CHERP: variants seen among roughly 807,000 people sequenced by gnomAD.
CHERP encodes calcium homeostasis endoplasmic reticulum protein, also known as ERPROT 213-21.
Under a neutral mutation model 113.8 loss-of-function variants are expected in CHERP, and 8 were observed. The observed-to-expected ratio is 0.07, with a 90% CI of 0.04 to 0.13. The LOEUF is 0.13. Among genes scored for constraint, CHERP ranks in the 10% least tolerant of loss-of-function variants. CHERP has a pLI of 1.00. For missense variants in CHERP, 884 were observed against 1,298.2 expected, an observed-to-expected ratio of 0.68 and a Z score of 4.90; for synonymous variants, 559 against 524.5, an observed-to-expected ratio of 1.07 and a Z score of -0.90.
chr19:16,520,852 C>T lies in CHERP; in HGVS notation c.2175G>A (p.Arg725=). 1.2e-6 allele frequency: 2 copies of T among 1,613,912 alleles called. No homozygotes were observed. Among genetic ancestry groups the T allele is most frequent in the Non-Finnish European group, 1.7e-6 (2 of 1,180,042 alleles). The change falls in exon 13 of 17, where the codon CGG becomes CGA. Residue 725 remains arginine (R), a synonymous_variant. Coordinates refer to ENST00000546361, the MANE Select transcript of CHERP (RefSeq NM_006387.6). The surrounding 1 kb of genome is among the most constrained non-coding windows in gnomAD (Gnocchi z 4.0). ...TGTTCCTCTTCTCCTGGCCTTTCCT[C>T]CGCCGGGCCCGCATTTTTGCTCGGA... The part of the protein sequence containing the change: ...EFFRAKMRAR[R]RKGQEKRNSG...
Position 16,529,766 on chromosome 19 carries a change from C to T in CHERP, c.1011G>A (p.Gln337=), listed in dbSNP as rs767098888. ...SLAQQQQQQQ[Q]QQQQLQMPQM... Reference sequence around the variant, plus strand: ...GCGGCATCTGGAGCTGCTGCTGCTGCTGTTGCTGCTGCTGCTGCTGCTGGG... The same window carrying T: ...GCGGCATCTGGAGCTGCTGCTGCTGTTGTTGCTGCTGCTGCTGCTGCTGGG... Residue 337 remains glutamine (Q), a synonymous_variant, in exon 8 of 17, where the codon CAG becomes CAA. Transcript: ENST00000546361. 6.8e-6 allele frequency: 11 copies of T among 1,611,604 alleles called. No homozygotes were observed. The highest frequency in any genetic ancestry group is 4.5e-5 in the East Asian group (2 of 44,888).
rs3786591 is a variant in CHERP, at chr19:16,527,237, C to G, written c.1305+843G>C. On this transcript the variant is annotated intron_variant, in intron 9 of 16. Coordinates refer to ENST00000546361, the MANE Select transcript of CHERP (RefSeq NM_006387.6). ...CAAAACAGGGACAAGAACTGCCCCC[C>G]CCAGCAGAGGGTACCTGCAAAACAG... is the stretch of plus-strand genomic sequence containing the variant. Among the ~76,000 whole-genome samples the G allele has an allele frequency of 2.0e-3, 299 of 152,358 alleles. 5 individuals are homozygous for G. In the East Asian group the frequency reaches 0.049, roughly 25 times the overall value.
intron 11 of CHERP, among the ~76,000 whole-genome samples, chr19:16,522,344 C>T (rs567577254): frequency 5.7e-4 from 87 of 152,222 alleles, no homozygotes; most frequent in Non-Finnish European, 1.0e-3. Context: ...GTGCAAGCTC[C>T]GCCTCCCGGG....
intron 8 of CHERP, among the ~76,000 whole-genome samples, chr19:16,529,279 A>C (rs1205829599): frequency 6.6e-6 from 1 of 152,132 alleles, no homozygotes; most frequent in African/African-American, 2.4e-5. Flanking sequence ...TGGCCTCCCA[A>C]AGTGCTGGGA....
chr19:16,535,006 G>A lies in CHERP; in HGVS notation c.384+446C>T, dbSNP rs966203961. On this transcript the variant is annotated intron_variant, in intron 3 of 16. Transcript: ENST00000546361. This position sits in a 1 kb window ranked among gnomAD's most constrained non-coding sequence, Gnocchi z 4.3. ...CAGGAGAATCGTTTGAACTCGGGAGGTAGGGGCTGCAGTGAGCTGAGATCA... is the reference window on the plus strand; with the variant it reads ...CAGGAGAATCGTTTGAACTCGGGAGATAGGGGCTGCAGTGAGCTGAGATCA... Among the ~76,000 whole-genome samples the A allele has an allele frequency of 9.9e-5, 15 of 152,050 alleles. No individual in the cohort carries two copies. Among genetic ancestry groups the A allele is most frequent in the Admixed American group, 6.6e-4 (10 of 15,256 alleles).
At chr19:16,539,693 G>A (rs1183399422) in intron 2 of CHERP, 1 of 152,026 alleles carries the variant, frequency 6.6e-6, no homozygotes, top group South Asian at 2.1e-4. Context: ...TTATTAAATA[G>A]ATTCTCTACT....
chr19:16,538,905 G>A (rs901186985), intron 2 of CHERP, among the ~76,000 whole-genome samples: 3 of 151,790 alleles, frequency 2.0e-5, no homozygotes, highest in Admixed American at 6.6e-5. Flanking sequence ...TGGCGCCCAA[G>A]TTCATGGATT....
At position 16,530,039 on chromosome 19, in the gene CHERP, C is replaced by T; in HGVS notation, c.877-139G>A. 2 of 1,126,286 alleles carry T rather than the reference C, an allele frequency of 1.8e-6. No homozygotes were observed. Among genetic ancestry groups the T allele is most frequent in the East Asian group, 2.6e-5 (1 of 38,692 alleles). 69.8% of individuals were successfully genotyped at this position (1,126,286 alleles called of 1,614,324 possible). On this transcript the variant is annotated intron_variant, in intron 7 of 16. Transcript: ENST00000546361. This position sits in a 1 kb window ranked among gnomAD's most constrained non-coding sequence, Gnocchi z 4.1. ...ACAGGGAACCGTCACGTGAAACAGC[C>T]AACACAGTCTGGGCAATCAGTGTGC...
intron 8 of CHERP, 31 bp downstream of exon 8, chr19:16,529,616 TG>T (rs1425944454): frequency 6.5e-7 from 1 of 1,529,584 alleles, no homozygotes. Flanking sequence ...GGCTGTTTCC[TG>T]GGGGCAGGCT....
In CHERP at chr19:16,532,712, G is replaced by C. The variant is rs770925951; in HGVS notation, c.560C>G (p.Pro187Arg). ...GCCGGCCATCAGCTCACAGTGCGGCGGGGACTTGGCATTGCTGAACATCCA... is the reference window on the plus strand; with the variant it reads ...GCCGGCCATCAGCTCACAGTGCGGCCGGGACTTGGCATTGCTGAACATCCA... ...KNWMFSNAKSPPHCELMAGHL... is the reference protein window; with the variant it reads ...KNWMFSNAKSRPHCELMAGHL... The change falls in exon 5 of 17, where the codon CCG (proline) becomes CGG (arginine). Residue 187 changes from proline (P) to arginine (R), a missense_variant. This residue lies in a region of CHERP where 73 missense variants were observed against 182.4 expected (regional missense o/e 0.40). Coordinates refer to ENST00000546361, the MANE Select transcript of CHERP (RefSeq NM_006387.6). This position sits in a 1 kb window ranked among gnomAD's most constrained non-coding sequence, Gnocchi z 4.4. 2.5e-6 allele frequency: 4 copies of C among 1,613,162 alleles called. No homozygotes were observed. The highest frequency in any genetic ancestry group is 3.4e-6 in the Non-Finnish European group (4 of 1,179,496).
At chr19:16,522,964 C>G in intron 11 of CHERP, 88 bp downstream of exon 11, 3 of 1,432,582 alleles carry the variant, frequency 2.1e-6, no homozygotes, top group Non-Finnish European at 9.2e-7. Flanking sequence ...CCGGAAGGCA[C>G]CCGGTCCCGT....
rs1697313811 is a variant in CHERP at position 16,529,908 on chromosome 19, A to G, written c.877-8T>C. On this transcript the variant is annotated splice_region_variant and splice_polypyrimidine_tract_variant and intron_variant, in intron 7 of 16. Coordinates refer to ENST00000546361, the MANE Select transcript of CHERP (RefSeq NM_006387.6). ...CTCGTTGATGAGGGTGGCCTGAGAGAGAGAAGAGCACCCGCTGCTCAGTAT... is the reference window on the plus strand; with the variant it reads ...CTCGTTGATGAGGGTGGCCTGAGAGGGAGAAGAGCACCCGCTGCTCAGTAT... The G allele has an allele frequency of 1.2e-6, 2 of 1,611,420 alleles. No homozygotes were observed. Among genetic ancestry groups the G allele is most frequent in the African/African-American group, 2.7e-5 (2 of 74,846 alleles).
At chr19:16,531,106 G>A in intron 5 of CHERP, among the ~76,000 whole-genome samples, 1 of 152,178 alleles carries the variant, frequency 6.6e-6, no homozygotes, top group East Asian at 1.9e-4. Context: ...ACGTGGCCTG[G>A]GGCCGTTCTG....
At chr19:16,524,942 G>A (rs541712172) in intron 10 of CHERP, among the ~76,000 whole-genome samples, 1 of 152,168 alleles carries the variant, frequency 6.6e-6, no homozygotes, top group South Asian at 2.1e-4. Flanking sequence ...CAAAAAACAA[G>A]CAGCAGCAGT....
chr19:16,521,314 T>C, intron 12 of CHERP: 1 of 578,022 alleles, frequency 1.7e-6, no homozygotes, highest in South Asian at 2.3e-5. Context: ...TTCCCTAACT[T>C]CTTCTGATGT....
At position 16,519,166 on chromosome 19, in the gene CHERP, C is replaced by A; in HGVS notation, c.2744G>T (p.Cys915Phe). 1 of 1,613,162 alleles carries A rather than the reference C, an allele frequency of 6.2e-7. No homozygotes were observed. Among genetic ancestry groups the A allele is most frequent in the Non-Finnish European group, 8.5e-7 (1 of 1,179,776 alleles). ...GGCTCCCGGCATGGGCGCCTACTTACACTCGTCCCTGGCCTTCATGCGGGC... is the reference window on the plus strand; with the variant it reads ...GGCTCCCGGCATGGGCGCCTACTTAAACTCGTCCCTGGCCTTCATGCGGGC... ...FIARMKARDE[C>F]K The change falls in exon 17 of 17, where the codon TGT (cysteine) becomes TTT (phenylalanine). Residue 915 changes from cysteine to phenylalanine, a missense_variant. Around this residue, in one of 8 missense-constraint regions of CHERP, gnomAD observed 42 missense variants for 105.1 expected, o/e 0.40. Coordinates refer to ENST00000546361, the MANE Select transcript of CHERP (RefSeq NM_006387.6). The surrounding 1 kb of genome is among the most constrained non-coding windows in gnomAD (Gnocchi z 6.0).
At position 16,518,302 on chromosome 19, in the gene CHERP, C is replaced by G. The variant is rs942663791; in HGVS notation, c.*857G>C. 1.3e-5 allele frequency: 2 copies of G among 151,958 alleles called. No individual in the cohort carries two copies. Among genetic ancestry groups the G allele is most frequent in the Admixed American group, 6.6e-5 (1 of 15,220 alleles). The allele number at this position is 151,958 out of a possible 1,614,324, so 9.4% of individuals were successfully genotyped here. Reference sequence around the variant, plus strand: ...GGATGGGACTGGGCCGTCGCACACGCCAGCCGGTGCAGGGTTCTTCCAAGT... The same window carrying G: ...GGATGGGACTGGGCCGTCGCACACGGCAGCCGGTGCAGGGTTCTTCCAAGT... On this transcript the variant is annotated 3_prime_UTR_variant, in exon 17 of 17. Coordinates refer to ENST00000546361, the MANE Select transcript of CHERP (RefSeq NM_006387.6).
Position 16,530,065 on chromosome 19 carries a change from G to A in CHERP, c.877-165C>T, listed in dbSNP as rs774124227. ...AACACAGTCTGGGCAATCAGTGTGC[G>A]CTGGGATCTGGCCAGAGATTTGGGG... is the stretch of plus-strand genomic sequence containing the variant. On this transcript the variant is annotated intron_variant, in intron 7 of 16. Coordinates refer to ENST00000546361, the MANE Select transcript of CHERP (RefSeq NM_006387.6). This position sits in a 1 kb window ranked among gnomAD's most constrained non-coding sequence, Gnocchi z 4.1. Among the ~76,000 whole-genome samples, 4 of 152,244 alleles carry A rather than the reference G, an allele frequency of 2.6e-5. No homozygotes were observed. The highest frequency in any genetic ancestry group is 7.2e-5 in the African/African-American group (3 of 41,450).
intron 11 of CHERP, 86 bp from the exon 12 acceptor site, chr19:16,521,740 AG>A: frequency 7.5e-7 from 1 of 1,329,448 alleles, no homozygotes; most frequent in Non-Finnish European, 1.0e-6. Flanking sequence ...GGGTCAGGGC[AG>A]GGCCCAGGTT....
Sources: allele counts gnomAD v4.1 joint callset (sites outside exome capture counted in the v4.1 genomes callset), GRCh38; gene constraint gnomAD v4.1.1; regional missense constraint gnomAD v4.1.1; non-coding constraint Gnocchi (gnomAD v3.1); transcripts MANE v1.5; gene names NCBI Gene and HGNC (gene_info 2026-07-23, HGNC 2026-07-21).